Variants in MAML2 observed in about 807,000 individuals in gnomAD.
MAML2 encodes the protein mastermind-like protein 2.
MAML2 carries 22 observed loss-of-function variants against 96.1 expected under a neutral mutation model. The observed-to-expected ratio is 0.23, with a 90% CI of 0.16 to 0.33. The LOEUF (loss-of-function observed/expected upper bound fraction) is 0.33, where lower values mean the gene tolerates loss of function less well. MAML2 is among the 10% of genes least tolerant of loss of function. The pLI, the probability that MAML2 is intolerant of heterozygous loss-of-function variation, is 1.00. For missense variants in MAML2, 1,367 were observed against 1,392.4 expected (o/e 0.98, Z 0.29); for synonymous variants, 561 against 521.3 (o/e 1.08, Z -1.04).
At chr11:96,318,601 G>C (rs963222339) in intron 1 of MAML2, among the ~76,000 whole-genome samples, 1 of 152,136 alleles carries the variant, frequency 6.6e-6, no homozygotes, top group East Asian at 1.9e-4. Context: ...CTGAAACAAC[G>C]GTTTGATGTC....
At chr11:96,259,467 T>C (rs1862718365) in intron 1 of MAML2, among the ~76,000 whole-genome samples, 1 of 151,676 alleles carries the variant, frequency 6.6e-6, no homozygotes, top group Non-Finnish European at 1.5e-5. Flanking sequence ...GAAAAACTTG[T>C]CTCCATCTGG....
intron 2 of MAML2, among the ~76,000 whole-genome samples, chr11:96,018,683 G>A (rs892245727): frequency 2.0e-5 from 3 of 152,194 alleles, no homozygotes; most frequent in Non-Finnish European, 4.4e-5. Flanking sequence ...TGCAACCTCT[G>A]CCTCCCAGGT....
intron 2 of MAML2, among the ~76,000 whole-genome samples, chr11:96,090,767 C>T (rs985052889): frequency 2.6e-5 from 4 of 152,188 alleles, no homozygotes; most frequent in African/African-American, 7.2e-5. Flanking sequence ...CTGGTGTTCT[C>T]TTGGCCAACA....
intron 1 of MAML2, among the ~76,000 whole-genome samples, chr11:96,291,495 G>A (rs1237046457): frequency 6.6e-6 from 1 of 152,068 alleles, no homozygotes; most frequent in African/African-American, 2.4e-5. Flanking sequence ...GGAGTTTTAG[G>A]AAAAGTAACG....
At chr11:96,000,907 G>A (rs778659884) in intron 2 of MAML2, among the ~76,000 whole-genome samples, 7 of 152,150 alleles carry the variant, frequency 4.6e-5, no homozygotes, top group Non-Finnish European at 8.8e-5. Flanking sequence ...TTGGGGGTGA[G>A]AGGTTGGGTG....
chr11:96,218,976 G>A (rs1862092735), intron 1 of MAML2, among the ~76,000 whole-genome samples: 1 of 152,182 alleles, frequency 6.6e-6, no homozygotes, highest in South Asian at 2.1e-4. Context: ...ATTATCTCCA[G>A]ATTGTAGGTC....
intron 1 of MAML2, among the ~76,000 whole-genome samples, chr11:96,300,503 A>T (rs1262166205): frequency 2.0e-5 from 3 of 152,312 alleles, no homozygotes; most frequent in East Asian, 3.9e-4. Flanking sequence ...GGTACCCTAG[A>T]CTTCTCCATC....
intron 2 of MAML2, among the ~76,000 whole-genome samples, chr11:96,084,141 G>A (rs1859570606): frequency 6.6e-6 from 1 of 152,016 alleles, no homozygotes; most frequent in South Asian, 2.1e-4. Flanking sequence ...ATGAGTTTGG[G>A]GAGAGGATGG....
chr11:96,151,770 C>T lies in MAML2; in HGVS notation c.514-58253G>A, dbSNP rs369680609. Reference sequence around the variant, plus strand: ...CCCCAGAGCAGATGCTGCCATGCTTCCTGTAAAGCCTGCAGAACTATGAGC... The same window carrying T: ...CCCCAGAGCAGATGCTGCCATGCTTTCTGTAAAGCCTGCAGAACTATGAGC... On this transcript the variant is annotated intron_variant, in intron 1 of 4. Coordinates refer to ENST00000524717, the MANE Select transcript of MAML2 (RefSeq NM_032427.4). Among the ~76,000 whole-genome samples the T allele has an allele frequency of 2.2e-4, 33 of 152,294 alleles. No individual in the cohort carries two copies. In the East Asian group the frequency reaches 3.5e-3, roughly 16 times the overall value.
intron 1 of MAML2, among the ~76,000 whole-genome samples, chr11:96,294,520 T>C (rs1219681450): frequency 1.3e-5 from 2 of 152,186 alleles, no homozygotes; most frequent in Non-Finnish European, 2.9e-5. Context: ...TCTGTATGAA[T>C]TGTTACAAGG....
intron 2 of MAML2, among the ~76,000 whole-genome samples, chr11:96,001,051 C>G (rs546399571): frequency 6.6e-6 from 1 of 152,308 alleles, no homozygotes; most frequent in Non-Finnish European, 1.5e-5. Flanking sequence ...TTGCTCAGTA[C>G]CTTCTCCTGC....
At chr11:96,314,655 T>C (rs1488046854) in intron 1 of MAML2, among the ~76,000 whole-genome samples, 1 of 145,536 alleles carries the variant, frequency 6.9e-6, no homozygotes, top group Non-Finnish European at 1.5e-5. Context: ...GCAGCTTAAC[T>C]TTTTTTCCCC....
chr11:96,262,711 C>T (rs531586747), intron 1 of MAML2, among the ~76,000 whole-genome samples: 6 of 152,260 alleles, frequency 3.9e-5, no homozygotes, highest in South Asian at 2.1e-4. Flanking sequence ...CCTCATGATC[C>T]GCCCACCTCA....
chr11:96,213,639 C>G (rs1862004826), intron 1 of MAML2, among the ~76,000 whole-genome samples: 1 of 152,060 alleles, frequency 6.6e-6, no homozygotes, highest in Admixed American at 6.6e-5. Flanking sequence ...GTTAATCTTC[C>G]TGGGAACGGG....
At chr11:96,336,225 T>C (rs1235526880) in intron 1 of MAML2, among the ~76,000 whole-genome samples, 3 of 152,232 alleles carry the variant, frequency 2.0e-5, no homozygotes, top group African/African-American at 7.2e-5. Flanking sequence ...TTTCCTTATA[T>C]GTAAAATGGG....
chr11:96,150,728 C>T (rs776146152), intron 1 of MAML2, among the ~76,000 whole-genome samples: 3 of 152,266 alleles, frequency 2.0e-5, no homozygotes, highest in South Asian at 2.1e-4. Context: ...AGATAGTCCT[C>T]GTCTCCATCC....
intron 2 of MAML2, among the ~76,000 whole-genome samples, chr11:96,064,889 A>C (rs1859221505): frequency 6.6e-6 from 1 of 152,236 alleles, no homozygotes; most frequent in African/African-American, 2.4e-5. Flanking sequence ...CTTTTCATAT[A>C]GAAGTTTTAT....
chr11:96,053,683 T>C (rs1859020950), intron 2 of MAML2, among the ~76,000 whole-genome samples: 1 of 152,202 alleles, frequency 6.6e-6, no homozygotes, highest in Admixed American at 6.5e-5. Flanking sequence ...AATTTTCCTG[T>C]GTACTTATGT....
At position 96,092,315 on chromosome 11, in the gene MAML2, A is replaced by C; in HGVS notation, c.1716T>G (p.Pro572=). Residue 572 remains proline (P), a synonymous_variant, in exon 2 of 5, where the codon CCT becomes CCG. Coordinates refer to ENST00000524717, the MANE Select transcript of MAML2 (RefSeq NM_032427.4). The surrounding 1 kb of genome is among the most constrained non-coding windows in gnomAD (Gnocchi z 4.1). ...FNSDQANQQM[P]SVLPSQNKPS... ...GCTTGTTCTGGGAAGGCAAAACAGA[A>C]GGCATCTGCTGGTTCGCTTGATCTG... 6.3e-7 allele frequency: 1 copy of C among 1,589,666 alleles called. No homozygotes were observed. Among genetic ancestry groups the C allele is most frequent in the Non-Finnish European group, 8.6e-7 (1 of 1,167,538 alleles).
Sources: gnomAD v4.1 joint callset for allele counts (sites outside exome capture counted in the v4.1 genomes callset) on GRCh38, gnomAD v4.1.1 for gene constraint, Gnocchi (gnomAD v3.1) non-coding constraint, MANE v1.5 for transcripts, NCBI Gene and HGNC (gene_info 2026-07-23, HGNC 2026-07-21) for gene names.